NEDD4L: variants seen among roughly 807,000 people sequenced by gnomAD.
NEDD4L encodes the protein NEDD4 like E3 ubiquitin protein ligase, also known as E3 ubiquitin-protein ligase NEDD4-like.
Under a neutral mutation model 148.9 loss-of-function variants are expected in NEDD4L, and 54 were observed. The observed-to-expected ratio is 0.36, with a 90% CI of 0.29 to 0.45. The LOEUF (loss-of-function observed/expected upper bound fraction) is 0.45, where lower values mean the gene tolerates loss of function less well. NEDD4L is among the 20% of genes least tolerant of loss of function. NEDD4L has a pLI of 1.00. For missense variants in NEDD4L, 856 were observed against 1,233.8 expected (o/e 0.69, Z 4.59); for synonymous variants, 433 against 440.7 (o/e 0.98, Z 0.22).
chr18:58,333,278 T>TAA lies in NEDD4L; in HGVS notation c.991-524_991-523dup, dbSNP rs910110108. Among the ~76,000 whole-genome samples the TAA allele has an allele frequency of 8.5e-5, 11 of 129,352 alleles. No individual in the cohort carries two copies. In the South Asian group the frequency reaches 1.5e-3, roughly 18 times the overall value. The allele number at this position is 129,352 out of a possible 152,430, so 84.9% of individuals were successfully genotyped here. A position where few individuals can be genotyped will look rare whatever the true frequency, so the allele number is the denominator to read the frequency against. ...GAGCAATAGAACAAGACTCTATATT[T>TAA]AAAAAAAAAAAAAAAAAGCAGCTAA... On this transcript the variant is annotated intron_variant, in intron 11 of 30. Coordinates refer to ENST00000400345, the MANE Select transcript of NEDD4L (RefSeq NM_001144967.3).
intron 1 of NEDD4L, among the ~76,000 whole-genome samples, chr18:58,089,913 C>T (rs749823089): frequency 6.6e-6 from 1 of 150,392 alleles, no homozygotes; most frequent in African/African-American, 2.4e-5. Flanking sequence ...TATCTCAGCT[C>T]ACTGCAACCT....
In NEDD4L at chr18:58,355,108, G is replaced by T. The variant is rs149907310; in HGVS notation, c.1709-2086G>T. On this transcript the variant is annotated intron_variant, in intron 18 of 30. Coordinates refer to ENST00000400345, the MANE Select transcript of NEDD4L (RefSeq NM_001144967.3). ...GGGATTTCCCAGAGGGGAGGGATGG[G>T]GTCGAAATCGTTATTTAGAGAGATC... is the stretch of plus-strand genomic sequence containing the variant. 7.5e-3 allele frequency among the ~76,000 whole-genome samples: 1,135 copies of T among 152,306 alleles called. 8 individuals carry two copies. The highest frequency in any genetic ancestry group is 0.028 in the South Asian group (135 of 4,824).
intron 17 of NEDD4L, 112 bp downstream of exon 17, chr18:58,349,726 C>T (rs2043627160): frequency 2.4e-6 from 2 of 820,570 alleles, no homozygotes; most frequent in Admixed American, 4.3e-5. Flanking sequence ...TTGTGGATCT[C>T]ATTGGTTTGT....
chr18:58,234,292 TCCCCTTCCTCCCTTTC>T (rs1261156395), intron 2 of NEDD4L, among the ~76,000 whole-genome samples: 7 of 116,612 alleles, frequency 6.0e-5, no homozygotes, highest in African/African-American at 2.4e-4. Flanking sequence ...CCCTTCTCCT[TCCCCTTCCTCCCTTTC>T]CCCCTTCCTC....
At chr18:58,216,348 A>T (rs1186777908) in intron 2 of NEDD4L, among the ~76,000 whole-genome samples, 3 of 152,084 alleles carry the variant, frequency 2.0e-5, no homozygotes, top group Non-Finnish European at 4.4e-5. Flanking sequence ...GTGCTGGGGA[A>T]TTTGCATTTC....
At position 58,335,496 on chromosome 18, in the gene NEDD4L, A is replaced by G; in HGVS notation, c.1084A>G (p.Arg362Gly). The G allele has an allele frequency of 6.2e-7, 1 of 1,613,800 alleles. No individual in the cohort carries two copies. Among genetic ancestry groups the G allele is most frequent in the Non-Finnish European group, 8.5e-7 (1 of 1,179,694 alleles). Reference protein sequence around the residue: ...HLPPPSAPAGRARSSTVTGGE... With the variant: ...HLPPPSAPAGGARSSTVTGGE... Reference sequence around the variant, plus strand: ...TTCACAGCCCAGTGCCCCAGCTGGGAGAGCGCGTTCATCAACTGTCACGGG... The same window carrying G: ...TTCACAGCCCAGTGCCCCAGCTGGGGGAGCGCGTTCATCAACTGTCACGGG... The change falls in exon 13 of 31, where the codon AGA (arginine) becomes GGA (glycine). Residue 362 changes from arginine (R) to glycine (G), a missense_variant. Around this residue, in one of 4 missense-constraint regions of NEDD4L, gnomAD observed 367 missense variants for 422.7 expected, o/e 0.87. Coordinates refer to ENST00000400345, the MANE Select transcript of NEDD4L (RefSeq NM_001144967.3).
chr18:58,343,243 A>G (rs2042640905), intron 16 of NEDD4L, 140 bp downstream of exon 16: 1 of 287,546 alleles, frequency 3.5e-6, no homozygotes, highest in Non-Finnish European at 6.3e-6. Flanking sequence ...CTCAGCCTGC[A>G]TCTGGCCCCT....
At chr18:58,378,235 A>G (rs1055242653) in intron 24 of NEDD4L, among the ~76,000 whole-genome samples, 1 of 152,232 alleles carries the variant, frequency 6.6e-6, no homozygotes, top group Non-Finnish European at 1.5e-5. Context: ...GCCCTCCCAG[A>G]AGCCACAGCA....
rs573578203 is a variant in NEDD4L, at chr18:58,063,906, C to A, written c.48+19198C>A. ...AGGTAGAACCCCTTTAGAGAAAAAA[C>A]ATCAGTGAGAAGCCATGTTGCCTTA... On this transcript the variant is annotated intron_variant, in intron 1 of 30. Coordinates refer to ENST00000400345, the MANE Select transcript of NEDD4L (RefSeq NM_001144967.3). Among the ~76,000 whole-genome samples, 23 of 149,576 alleles carry A rather than the reference C, an allele frequency of 1.5e-4. No individual in the cohort carries two copies. In the South Asian group the frequency reaches 3.6e-3, roughly 23 times the overall value.
At chr18:58,378,270 TC>T (rs2047837971) in intron 24 of NEDD4L, among the ~76,000 whole-genome samples, 3 of 152,196 alleles carry the variant, frequency 2.0e-5, no homozygotes, top group Non-Finnish European at 4.4e-5. Context: ...ACTGTGGATC[TC>T]TCTGTTAAGA....
chr18:58,187,830 T>C (rs2039643026), intron 2 of NEDD4L, among the ~76,000 whole-genome samples: 1 of 151,888 alleles, frequency 6.6e-6, no homozygotes, highest in Non-Finnish European at 1.5e-5. Flanking sequence ...CACCCCCATG[T>C]GCATTTCATT....
intron 1 of NEDD4L, chr18:58,045,007 C>A: frequency 2.4e-6 from 1 of 415,050 alleles, no homozygotes; most frequent in Non-Finnish European, 4.3e-6. Flanking sequence ...GCCTCTCTTC[C>A]CTCTTCCTCT....
At chr18:58,051,385 T>C (rs959874926) in intron 1 of NEDD4L, among the ~76,000 whole-genome samples, 1 of 152,250 alleles carries the variant, frequency 6.6e-6, no homozygotes, top group African/African-American at 2.4e-5. Context: ...AATAAAACTG[T>C]TTAAAAATAT....
intron 2 of NEDD4L, among the ~76,000 whole-genome samples, chr18:58,166,067 C>A (rs750835769): frequency 2.6e-5 from 4 of 152,202 alleles, no homozygotes; most frequent in Non-Finnish European, 5.9e-5. Context: ...CTTACCATCA[C>A]AACAGTAGTT....
At chr18:58,169,970 C>A (rs371077586) in intron 2 of NEDD4L, among the ~76,000 whole-genome samples, 36 of 152,198 alleles carry the variant, frequency 2.4e-4, no homozygotes, top group Non-Finnish European at 2.4e-4. Context: ...GATTTTTCTC[C>A]TCTGATGACT....
At position 58,342,921 on chromosome 18, in the gene NEDD4L, C is replaced by A. The variant is rs1275987222; in HGVS notation, c.1393C>A (p.Pro465Thr). The A allele has an allele frequency of 6.2e-7, 1 of 1,610,820 alleles. No individual in the cohort carries two copies. The highest frequency in any genetic ancestry group is 8.5e-7 in the Non-Finnish European group (1 of 1,178,496). The change falls in exon 16 of 31, where the codon CCC becomes ACC. Residue 465 changes from proline (P) to threonine (T), a missense_variant. Physicochemically the swap from Pro to Thr is conservative, Grantham distance 38. Transcript: ENST00000400345. Reference protein sequence around the residue: ...SAPLEGAKDSPVRRAVKDTLS... With the variant: ...SAPLEGAKDSTVRRAVKDTLS... The stretch of plus-strand genomic sequence containing the variant: ...TATTCTTTAGGGTGCCAAGGACTCA[C>A]CCGTACGTCGGGCTGTGAAAGACAC...
chr18:58,320,205 G>C (rs2058653766), intron 6 of NEDD4L, among the ~76,000 whole-genome samples: 1 of 152,154 alleles, frequency 6.6e-6, no homozygotes, highest in Non-Finnish European at 1.5e-5. Flanking sequence ...TGGTGATCCT[G>C]TAGGCTTTGT....
chr18:58,233,739 T>A (rs1282471789), intron 2 of NEDD4L, among the ~76,000 whole-genome samples: 4 of 152,332 alleles, frequency 2.6e-5, no homozygotes, highest in African/African-American at 9.6e-5. Context: ...CACTATGAAC[T>A]AGGTGGCTAA....
At position 58,324,964 on chromosome 18, in the gene NEDD4L, C is replaced by T. The variant is rs758271279; in HGVS notation, c.514-32C>T. The T allele has an allele frequency of 2.4e-5, 39 of 1,593,932 alleles. No individual in the cohort carries two copies. In the Admixed American group the frequency reaches 6.4e-4, roughly 26 times the overall value. ...TCTTACTCACAGCCGAAGAACCAACCTCATAATCGTCCCTTTAACTTTATT... is the reference window on the plus strand; with the variant it reads ...TCTTACTCACAGCCGAAGAACCAACTTCATAATCGTCCCTTTAACTTTATT... On this transcript the variant is annotated intron_variant, in intron 8 of 30. Coordinates refer to ENST00000400345, the MANE Select transcript of NEDD4L (RefSeq NM_001144967.3).
Sources: allele counts gnomAD v4.1 joint callset (sites outside exome capture counted in the v4.1 genomes callset), GRCh38; gene constraint gnomAD v4.1.1; regional missense constraint gnomAD v4.1.1; transcripts MANE v1.5; gene names NCBI Gene and HGNC (gene_info 2026-07-23, HGNC 2026-07-21).